The following FOXP1 variants were observed in gnomAD, a reference collection of about 807,000 sequenced individuals.
FOXP1 encodes forkhead box P1.
FOXP1 carries 15 observed loss-of-function variants against 98.2 expected under a neutral mutation model. That is an observed-to-expected ratio of 0.15 (90% CI 0.10 to 0.24). FOXP1 has a LOEUF of 0.24. FOXP1 is among the 10% of genes least tolerant of loss of function. The pLI, the probability that FOXP1 is intolerant of heterozygous loss-of-function variation, is 1.00. For missense variants in FOXP1, 633 were observed against 848.5 expected, an observed-to-expected ratio of 0.75 and a Z score of 3.15; for synonymous variants, 371 against 314.5, an observed-to-expected ratio of 1.18 and a Z score of -1.90.
chr3:71,250,656 G>A (rs1198524686), intron 5 of FOXP1, among the ~76,000 whole-genome samples: 2 of 152,158 alleles, frequency 1.3e-5, no homozygotes, highest in Admixed American at 6.5e-5. Context: ...TGCGTTGGGC[G>A]CAGTGGCTCA....
At chr3:71,379,280 G>C (rs959718513) in intron 3 of FOXP1, among the ~76,000 whole-genome samples, 2 of 152,052 alleles carry the variant, frequency 1.3e-5, no homozygotes, top group African/African-American at 4.8e-5. Flanking sequence ...GATGATTTTA[G>C]GTGGTACAGG....
At chr3:71,543,979 C>T (rs947739300) in intron 2 of FOXP1, among the ~76,000 whole-genome samples, 1 of 141,440 alleles carries the variant, frequency 7.1e-6, no homozygotes, top group Non-Finnish European at 1.6e-5. Flanking sequence ...TGTTTACACA[C>T]TATATATACA....
chr3:71,477,295 C>A (rs2089930703), intron 3 of FOXP1, among the ~76,000 whole-genome samples: 1 of 152,168 alleles, frequency 6.6e-6, no homozygotes, highest in African/African-American at 2.4e-5. Flanking sequence ...CACTTAAATC[C>A]CTTTGCATTT....
rs552398418 is a variant in FOXP1 at position 71,443,839 on chromosome 3, T to C, written c.-168+49587A>G. Among the ~76,000 whole-genome samples the C allele has an allele frequency of 1.5e-3, 232 of 152,304 alleles. 1 individual carries two copies. The highest frequency in any genetic ancestry group is 5.3e-3 in the African/African-American group (220 of 41,576). On this transcript the variant is annotated intron_variant, in intron 3 of 20. Transcript: ENST00000649528. ...ATTCTATAGTATTGTAGGGTGGCCT[T>C]ATGATGATCCAAGAATATACCAAAA...
At chr3:71,448,138 A>T (rs575814204) in intron 3 of FOXP1, among the ~76,000 whole-genome samples, 2 of 151,704 alleles carry the variant, frequency 1.3e-5, no homozygotes, top group African/African-American at 4.8e-5. Flanking sequence ...ACAGAAATAG[A>T]CTCCTTCTAA....
chr3:71,203,025 T>TA (rs1463377425), intron 5 of FOXP1, among the ~76,000 whole-genome samples: 2 of 152,186 alleles, frequency 1.3e-5, no homozygotes, highest in Non-Finnish European at 2.9e-5. Context: ...ACTGCCTTGC[T>TA]CCATGACATA....
intron 13 of FOXP1, among the ~76,000 whole-genome samples, chr3:70,991,414 C>A (rs1346368490): frequency 6.6e-6 from 1 of 152,166 alleles, no homozygotes; most frequent in African/African-American, 2.4e-5. Flanking sequence ...ACCCGAGCCA[C>A]TGATAACTGC....
At position 71,369,665 on chromosome 3, in the gene FOXP1, T is replaced by C. The variant is rs953543151; in HGVS notation, c.-167-10421A>G. 2.6e-5 allele frequency among the ~76,000 whole-genome samples: 4 copies of C among 152,162 alleles called. No individual in the cohort carries two copies. The East Asian group carries it at 7.8e-4, about 30-fold the overall frequency. ...GCCTCAGTCTCCCAAAGTGCTAGGA[T>C]TACAAGCGTGAGCCACTGTGCACAG... On this transcript the variant is annotated intron_variant, in intron 3 of 20. Coordinates refer to ENST00000649528, the MANE Select transcript of FOXP1 (RefSeq NM_001349338.3).
intron 7 of FOXP1, among the ~76,000 whole-genome samples, chr3:71,058,035 C>T (rs2050923325): frequency 6.6e-6 from 1 of 152,140 alleles, no homozygotes; most frequent in Non-Finnish European, 1.5e-5. Context: ...CATATTATTT[C>T]CTTTAACGCC....
intron 5 of FOXP1, among the ~76,000 whole-genome samples, chr3:71,231,127 C>T (rs1458488540): frequency 6.6e-6 from 1 of 152,196 alleles, no homozygotes; most frequent in Non-Finnish European, 1.5e-5. Context: ...CAGCAAAAGT[C>T]CCCTTTTCTT....
At chr3:71,047,425 A>C (rs11918393) in intron 9 of FOXP1, among the ~76,000 whole-genome samples, 1,807 of 152,312 alleles carry the variant, frequency 0.012, 32 homozygotes, top group African/African-American at 0.034. Context: ...ACTAGAGAGA[A>C]GACTGCATCA....
At chr3:71,004,313 A>T (rs993752811) in intron 12 of FOXP1, among the ~76,000 whole-genome samples, 7 of 152,146 alleles carry the variant, frequency 4.6e-5, no homozygotes, top group Non-Finnish European at 1.0e-4. Flanking sequence ...GTAAAAAAAA[A>T]ATGATTTTGC....
chr3:71,096,253 T>A (rs1475367220), intron 7 of FOXP1, among the ~76,000 whole-genome samples: 1 of 152,204 alleles, frequency 6.6e-6, no homozygotes, highest in Admixed American at 6.5e-5. Context: ...TGTACTTAGC[T>A]GTCTTCTTGA....
intron 7 of FOXP1, among the ~76,000 whole-genome samples, chr3:71,074,141 G>T (rs984745514): frequency 6.6e-6 from 1 of 152,202 alleles, no homozygotes; most frequent in African/African-American, 2.4e-5. Flanking sequence ...TCCTATAGAA[G>T]TGCTTAATCC....
At chr3:71,045,363 T>C (rs571982831) in intron 10 of FOXP1, among the ~76,000 whole-genome samples, 1 of 152,316 alleles carries the variant, frequency 6.6e-6, no homozygotes, top group East Asian at 1.9e-4. Context: ...TGCCCTCTTT[T>C]GGACAGCTTA....
chr3:71,573,944 G>A (rs753459944), intron 2 of FOXP1: 2 of 152,220 alleles, frequency 1.3e-5, no homozygotes, highest in East Asian at 1.9e-4. Context: ...CAAACAAGGC[G>A]GAATGACTTC....
At chr3:71,048,039 T>C (rs907775718) in intron 9 of FOXP1, among the ~76,000 whole-genome samples, 1 of 152,152 alleles carries the variant, frequency 6.6e-6, no homozygotes, top group Non-Finnish European at 1.5e-5. Context: ...GGAAATTATC[T>C]AATATCCTTA....
chr3:71,130,914 G>A (rs944455626), intron 6 of FOXP1: 12 of 1,348,056 alleles, frequency 8.9e-6, no homozygotes, highest in African/African-American at 1.5e-5. Context: ...CACAGCACAC[G>A]CAGTGCGCCC....
intron 4 of FOXP1, among the ~76,000 whole-genome samples, chr3:71,337,507 T>C (rs1201562204): frequency 6.6e-6 from 1 of 152,248 alleles, no homozygotes; most frequent in Non-Finnish European, 1.5e-5. Flanking sequence ...TGTTCTACTT[T>C]ATAAAAATAT....
Sources: allele counts gnomAD v4.1 joint callset (sites outside exome capture counted in the v4.1 genomes callset), GRCh38; gene constraint gnomAD v4.1.1; transcripts MANE v1.5; gene names NCBI Gene and HGNC (gene_info 2026-07-23, HGNC 2026-07-21).